Variants in ITGA1 observed in about 807,000 individuals in gnomAD.
ITGA1 encodes integrin alpha-1.
Under a neutral mutation model 145.9 loss-of-function variants are expected in ITGA1, and 85 were observed. The ratio of observed to expected loss-of-function variants is 0.58; its 90% CI spans 0.49 to 0.70. The LOEUF (loss-of-function observed/expected upper bound fraction) is 0.70, where lower values mean the gene tolerates loss of function less well. ITGA1 is among the 30% of genes least tolerant of loss of function. The pLI is 0.00. For synonymous variants in ITGA1, 520 were observed against 495.3 expected (o/e 1.05, Z -0.66); for missense variants, 1,351 against 1,418.7 (o/e 0.95, Z 0.77).
rs186204822 is a variant in ITGA1 at position 52,819,586 on chromosome 5, A to G, written c.62-29779A>G. On this transcript the variant is annotated intron_variant, in intron 1 of 28. Transcript: ENST00000282588. ...GAGTAGATTGCAAATATTTTCTCCC[A>G]TTCTGTAGGTTGCCTATTCACTCTG... is the stretch of plus-strand genomic sequence containing the variant. Among the ~76,000 whole-genome samples the G allele has an allele frequency of 6.7e-3, 1,017 of 152,252 alleles. 12 individuals carry two copies. Among genetic ancestry groups the G allele is most frequent in the African/African-American group, 0.023 (967 of 41,548 alleles).
At chr5:52,860,955 T>C (rs1749588395) in intron 2 of ITGA1, among the ~76,000 whole-genome samples, 2 of 152,220 alleles carry the variant, frequency 1.3e-5, no homozygotes, top group African/African-American at 4.8e-5. Flanking sequence ...TGTTCCAATG[T>C]TTATATTTCC....
At chr5:52,919,176 C>T (rs148558062) in intron 16 of ITGA1, among the ~76,000 whole-genome samples, 7 of 152,182 alleles carry the variant, frequency 4.6e-5, no homozygotes, top group African/African-American at 1.7e-4. Flanking sequence ...TACAATGAGA[C>T]GCTTAAGAAA....
chr5:52,933,685 G>A (rs1750923607), intron 22 of ITGA1: 3 of 291,266 alleles, frequency 1.0e-5, no homozygotes, highest in Middle Eastern at 9.8e-4. Flanking sequence ...GGTCAAATAA[G>A]CATCAGTGAC....
chr5:52,867,304 T>TCTC (rs1749703224), intron 6 of ITGA1: 1 of 152,128 alleles, frequency 6.6e-6, no homozygotes, highest in Admixed American at 6.6e-5. Flanking sequence ...GCTGAATAGG[T>TCTC]CTCTGTAGAG....
chr5:52,796,419 T>C lies in ITGA1; in HGVS notation c.61+8005T>C, dbSNP rs147569963. Among the ~76,000 whole-genome samples the C allele has an allele frequency of 5.6e-3, 850 of 152,110 alleles. 8 individuals carry two copies. The highest frequency in any genetic ancestry group is 0.02 in the African/African-American group (820 of 41,552). ...TTATACTGATATAAAGTTACTGATA[T>C]AAAGTTTTCTATTTTAAACAGCCAA... On this transcript the variant is annotated intron_variant, in intron 1 of 28. Coordinates refer to ENST00000282588, the MANE Select transcript of ITGA1 (RefSeq NM_181501.2).
chr5:52,825,042 C>A (rs964271859), intron 1 of ITGA1: 4 of 152,120 alleles, frequency 2.6e-5, no homozygotes, highest in African/African-American at 9.7e-5. Flanking sequence ...TATTGTGAAC[C>A]ACTGTCTGTT....
intron 6 of ITGA1, among the ~76,000 whole-genome samples, chr5:52,874,421 A>G (rs1467587578): frequency 8.9e-6 from 1 of 112,320 alleles, no homozygotes; most frequent in Non-Finnish European, 1.9e-5. Flanking sequence ...GACAAACCAT[A>G]TTCAAGCTGT....
Position 52,912,426 on chromosome 5 carries a change from A to G in ITGA1, c.1857+2007A>G, listed in dbSNP as rs1477841727. On this transcript the variant is annotated intron_variant, in intron 14 of 28. Transcript: ENST00000282588. Reference sequence around the variant, plus strand: ...ATGTATTATATATAGTGTATCCACTATAGGTATTATATATAGTGTATCCAC... The same window carrying G: ...ATGTATTATATATAGTGTATCCACTGTAGGTATTATATATAGTGTATCCAC... 4.8e-5 allele frequency among the ~76,000 whole-genome samples: 7 copies of G among 145,860 alleles called. No homozygotes were observed. The South Asian group carries it at 6.5e-4, about 14-fold the overall frequency.
intron 14 of ITGA1, among the ~76,000 whole-genome samples, chr5:52,910,715 GGTATATATAGT>G (rs1561245577): frequency 7.0e-6 from 1 of 142,380 alleles, no homozygotes; most frequent in Non-Finnish European, 1.5e-5. Context: ...TACTATATAT[GGTATATATAGT>G]GTGTATATAG....
chr5:52,905,169 G>A (rs574652323), intron 11 of ITGA1: 1 of 152,270 alleles, frequency 6.6e-6, no homozygotes, highest in East Asian at 1.9e-4. Flanking sequence ...AAATCCAGAA[G>A]AGGGACAAAT....
chr5:52,920,362 TAA>T lies in ITGA1; in HGVS notation c.2187_2188del (p.Arg730ThrfsTer28). On this transcript the variant is annotated frameshift_variant, in exon 17 of 29. Coordinates refer to ENST00000282588, the MANE Select transcript of ITGA1 (RefSeq NM_181501.2). LOFTEE classifies it high-confidence loss of function. ...CAGTACCGTGTCACCCTAGATTCAC[TAA>T]GACAAATATCACGAAGTTTTTTCTC... The T allele has an allele frequency of 1.2e-6, 2 of 1,608,478 alleles. No individual in the cohort carries two copies. The highest frequency in any genetic ancestry group is 1.7e-6 in the Non-Finnish European group (2 of 1,177,772).
intron 17 of ITGA1, among the ~76,000 whole-genome samples, 157 bp from the exon 18 acceptor site, chr5:52,922,620 C>G (rs950926865): frequency 6.6e-6 from 1 of 152,120 alleles, no homozygotes; most frequent in African/African-American, 2.4e-5. Flanking sequence ...CAATCCCTCT[C>G]CAGGGAAGCA....
At chr5:52,805,426 A>T (rs551581782) in intron 1 of ITGA1, among the ~76,000 whole-genome samples, 1 of 152,268 alleles carries the variant, frequency 6.6e-6, no homozygotes, top group East Asian at 1.9e-4. Context: ...TATCAAAGGC[A>T]GCAATAATGT....
chr5:52,925,471 T>C lies in ITGA1; in HGVS notation c.2597T>C (p.Val866Ala). Residue 866 changes from valine (V) to alanine (A), a missense_variant, in exon 19 of 29, where the codon GTT (valine) becomes GCT (alanine). Val to Ala is a moderately conservative substitution (Grantham distance 64). Coordinates refer to ENST00000282588, the MANE Select transcript of ITGA1 (RefSeq NM_181501.2). ...ATAGTGCATTATTCTCCAAATCTAGTTTTTTCAGGAATTGAGGTAAACTTC... is the reference window on the plus strand; with the variant it reads ...ATAGTGCATTATTCTCCAAATCTAGCTTTTTCAGGAATTGAGGTAAACTTC... ...RTIVHYSPNLVFSGIEAIQKD... is the reference protein window; with the variant it reads ...RTIVHYSPNLAFSGIEAIQKD... 1.2e-6 allele frequency: 2 copies of C among 1,612,732 alleles called. No homozygotes were observed. The highest frequency in any genetic ancestry group is 2.2e-5 in the East Asian group (1 of 44,854).
intron 26 of ITGA1, among the ~76,000 whole-genome samples, chr5:52,941,710 C>T (rs1751056842): frequency 6.6e-6 from 1 of 152,156 alleles, no homozygotes; most frequent in African/African-American, 2.4e-5. Flanking sequence ...CAATTATTTT[C>T]TCCCATTCTG....
intron 6 of ITGA1, among the ~76,000 whole-genome samples, chr5:52,879,474 A>G (rs897252097): frequency 2.0e-5 from 3 of 152,206 alleles, no homozygotes; most frequent in African/African-American, 7.2e-5. Context: ...CTGAACATTT[A>G]TATACCCAAA....
chr5:52,859,060 G>GA (rs1749559761), intron 2 of ITGA1, among the ~76,000 whole-genome samples: 2 of 152,068 alleles, frequency 1.3e-5, no homozygotes, highest in African/African-American at 2.4e-5. Flanking sequence ...TTAATACACA[G>GA]AAAGCACTTA....
At chr5:52,804,085 G>A (rs895119546) in intron 1 of ITGA1, 1 of 151,872 alleles carries the variant, frequency 6.6e-6, no homozygotes, top group Non-Finnish European at 1.5e-5. Context: ...CTAGATCATA[G>A]GTGAAAATGT....
intron 5 of ITGA1, 133 bp from the exon 6 acceptor site, chr5:52,865,557 G>C: frequency 1.5e-6 from 1 of 660,460 alleles, no homozygotes; most frequent in South Asian, 4.8e-5. Flanking sequence ...ATTTTTTATT[G>C]CTAAAACAAT....
Sources: gnomAD v4.1 joint callset for allele counts (sites outside exome capture counted in the v4.1 genomes callset) on GRCh38, gnomAD v4.1.1 for gene constraint, MANE v1.5 for transcripts, NCBI Gene and HGNC (gene_info 2026-07-23, HGNC 2026-07-21) for gene names.